Variants in CEP72 observed in about 807,000 individuals in gnomAD.
CEP72 encodes the protein centrosomal protein of 72 kDa.
In CEP72, 78 loss-of-function variants were observed where a neutral mutation model predicts 65.7. The ratio of observed to expected loss-of-function variants is 1.19; its 90% CI spans 0.99 to 1.43. CEP72 has a LOEUF of 1.43. CEP72 is among the 40% of genes most tolerant of loss of function. The pLI, the probability that CEP72 is intolerant of heterozygous loss-of-function variation, is 0.00. For missense variants in CEP72, 914 were observed against 832.9 expected (o/e 1.10, Z -1.20); for synonymous variants, 358 against 351.7 (o/e 1.02, Z -0.20).
At chr5:668,289 C>T (rs1247193282), downstream of CEP72, among the ~76,000 whole-genome samples, 2 of 75,732 alleles carry the variant, frequency 2.6e-5, no homozygotes, top group African/African-American at 7.3e-5. Context: ...GCGTGGGCGC[C>T]GTCAGGGAAG....
chr5:642,381 G>T (rs930140460), intron 9 of CEP72: 34 of 984,474 alleles, frequency 3.5e-5, no homozygotes, highest in Non-Finnish European at 3.9e-5. Context: ...ATTTAAACAC[G>T]TGTGGCCCCC....
intron 3 of CEP72, among the ~76,000 whole-genome samples, chr5:620,890 C>T (rs949688677): frequency 5.3e-5 from 8 of 152,348 alleles, no homozygotes; most frequent in East Asian, 3.9e-4. Flanking sequence ...CCTGCCTCCC[C>T]GGAGGCATTG....
At chr5:635,715 C>T in intron 6 of CEP72, 131 bp downstream of exon 6, 1 of 712,464 alleles carries the variant, frequency 1.4e-6, no homozygotes, top group Non-Finnish European at 2.4e-6. Flanking sequence ...ACGGTGCCGG[C>T]ACCTGGTGCT....
At chr5:625,612 A>T (rs1280948647) in intron 4 of CEP72, among the ~76,000 whole-genome samples, 1 of 152,164 alleles carries the variant, frequency 6.6e-6, no homozygotes, top group African/African-American at 2.4e-5. Flanking sequence ...CATCCCTGGG[A>T]TCGCCTCTTC....
downstream of CEP72, among the ~76,000 whole-genome samples, chr5:668,000 C>T (rs1201547214): frequency 6.3e-5 from 3 of 47,642 alleles, 1 homozygote; most frequent in Non-Finnish European, 1.0e-4. Context: ...GTGTGGGCGC[C>T]GTCAGGGAAG....
At position 633,837 on chromosome 5, in the gene CEP72, A is replaced by G. The variant is rs769471757; in HGVS notation, c.581A>G (p.Asp194Gly). ...AKQSLVMDAD[D>G]EAVLNLIAEC... ...CAGAGCCTGGTCATGGATGCGGATGACGAGGCAGTCCTGAACCTCATTGCA... is the reference window on the plus strand; with the variant it reads ...CAGAGCCTGGTCATGGATGCGGATGGCGAGGCAGTCCTGAACCTCATTGCA... The change falls in exon 5 of 12, where the codon GAC becomes GGC. Residue 194 changes from aspartate to glycine, a missense_variant. Asp to Gly is a moderately conservative substitution (Grantham distance 94). Coordinates refer to ENST00000264935, the MANE Select transcript of CEP72 (RefSeq NM_018140.4). 6.2e-7 allele frequency: 1 copy of G among 1,614,068 alleles called. No homozygotes were observed. The highest frequency in any genetic ancestry group is 2.2e-5 in the East Asian group (1 of 44,880).
Position 645,269 on chromosome 5 carries a change from C to T in CEP72, c.1666+844C>T, listed in dbSNP as rs978806068. 3.9e-5 allele frequency among the ~76,000 whole-genome samples: 6 copies of T among 152,138 alleles called. No individual in the cohort carries two copies. The South Asian group carries it at 8.3e-4, about 21-fold the overall frequency. ...GGCCGCTCTGTCTCCTTTGGGGCAG[C>T]GTCTCCTTGGATCTTTCGCCCGTTG... On this transcript the variant is annotated intron_variant, in intron 10 of 11. Transcript: ENST00000264935. This position sits in a 1 kb window ranked among gnomAD's most constrained non-coding sequence, Gnocchi z 4.0.
chr5:622,359 A>G lies in CEP72; in HGVS notation c.403+2098A>G, dbSNP rs140448446. Among the ~76,000 whole-genome samples the G allele has an allele frequency of 1.4e-3, 210 of 152,358 alleles. 2 individuals are homozygous for G. The highest frequency in any genetic ancestry group is 4.8e-3 in the African/African-American group (200 of 41,586). ...GGGTCCTGGTGGACTTTGCTCTTGCAGGAGCTCAGCTCCCCTGGGCACTGG... is the reference window on the plus strand; with the variant it reads ...GGGTCCTGGTGGACTTTGCTCTTGCGGGAGCTCAGCTCCCCTGGGCACTGG... On this transcript the variant is annotated intron_variant, in intron 3 of 11. Coordinates refer to ENST00000264935, the MANE Select transcript of CEP72 (RefSeq NM_018140.4).
Position 624,379 on chromosome 5 carries a change from G to A in CEP72, c.404-92G>A. On this transcript the variant is annotated intron_variant, in intron 3 of 11. Transcript: ENST00000264935. This position sits in a 1 kb window ranked among gnomAD's most constrained non-coding sequence, Gnocchi z 4.7. The stretch of plus-strand genomic sequence containing the variant: ...GTGGGAGCAGGGCTGGCCCCGAGGG[G>A]ATGGACACCCTGCCCCGTGTAGATG... 5.9e-6 allele frequency: 5 copies of A among 848,934 alleles called. No homozygotes were observed. Among genetic ancestry groups the A allele is most frequent in the South Asian group, 5.7e-5 (4 of 70,044 alleles). The allele number at this position is 848,934 out of a possible 1,614,324, so 52.6% of individuals were successfully genotyped here.
At position 648,765 on chromosome 5, in the gene CEP72, GGACTGTGAGGTGT is replaced by G. The variant is rs1259821494; in HGVS notation, c.1778+873_1778+885del. The stretch of plus-strand genomic sequence containing the variant: ...CTGTGAGGTGTGGACTGTGAGGTGT[GGACTGTGAGGTGT>G]GACTGTGAGGTGTGACTGTGAGGCG... On this transcript the variant is annotated intron_variant, in intron 11 of 11. Transcript: ENST00000264935. Among the ~76,000 whole-genome samples, 63 of 106,756 alleles carry G rather than the reference GGACTGTGAGGTGT, an allele frequency of 5.9e-4. 1 individual carries two copies. The highest frequency in any genetic ancestry group is 2.0e-3 in the African/African-American group (53 of 26,190). The allele number at this position is 106,756 out of a possible 152,430, so 70.0% of individuals were successfully genotyped here.
rs147536980 is a variant in CEP72, at chr5:624,401, G to A, written c.404-70G>A. The A allele has an allele frequency of 4.2e-4, 451 of 1,082,822 alleles. 2 individuals carry two copies. In the African/African-American group the frequency reaches 5.4e-3, roughly 13 times the overall value. 67.1% of individuals were successfully genotyped at this position (1,082,822 alleles called of 1,614,324 possible). A position where few individuals can be genotyped will look rare whatever the true frequency, so the allele number is the denominator to read the frequency against. ...GGGGATGGACACCCTGCCCCGTGTAGATGCCCCAGGGTGGATGCAGCCGCC... is the reference window on the plus strand; with the variant it reads ...GGGGATGGACACCCTGCCCCGTGTAAATGCCCCAGGGTGGATGCAGCCGCC... On this transcript the variant is annotated intron_variant, in intron 3 of 11. Coordinates refer to ENST00000264935, the MANE Select transcript of CEP72 (RefSeq NM_018140.4). The surrounding 1 kb of genome is among the most constrained non-coding windows in gnomAD (Gnocchi z 4.7).
At chr5:675,143 G>GTGGCCAGGGGTGCAATT in the CEP72 span, among the ~76,000 whole-genome samples, 1 of 143,876 alleles carries the variant, frequency 7.0e-6, no homozygotes, top group African/African-American at 2.6e-5. Context: ...GGGGTGCAGT[G>GTGGCCAGGGGTGCAATT]TGGCCAGGGG....
At chr5:654,255 CTGTG>C (rs562341078), downstream of CEP72, among the ~76,000 whole-genome samples, 6 of 143,442 alleles carry the variant, frequency 4.2e-5, no homozygotes, top group African/African-American at 1.1e-4. Context: ...TGCATGCTTG[CTGTG>C]TGTGTGTGCT....
At chr5:612,467 TGCAAGCGTGAGGTGGCGGGGGG>T in intron 1 of CEP72, 24 bp downstream of exon 1, 1 of 1,224,692 alleles carries the variant, frequency 8.2e-7, no homozygotes, top group Non-Finnish European at 1.1e-6. Flanking sequence ...CGGGCGGGGG[TGCAAGCGTGAGGTGGCGGGGGG>T]GTGGGTGCCG....
chr5:639,665 G>A (rs916486399), intron 8 of CEP72, among the ~76,000 whole-genome samples: 8 of 152,226 alleles, frequency 5.3e-5, no homozygotes, highest in African/African-American at 1.9e-4. Flanking sequence ...TCCCCAGAGA[G>A]GACTTGGGTC....
chr5:659,096 A>G (rs1739478199), downstream of CEP72, among the ~76,000 whole-genome samples: 2 of 152,186 alleles, frequency 1.3e-5, no homozygotes, highest in African/African-American at 2.4e-5. Context: ...GTCATCCCGC[A>G]TGTCCCTCTG....
At chr5:621,776 A>AT (rs1468622724) in intron 3 of CEP72, among the ~76,000 whole-genome samples, 3 of 152,190 alleles carry the variant, frequency 2.0e-5, no homozygotes, top group Non-Finnish European at 4.4e-5. Context: ...GAATTCTCAC[A>AT]TTTTATTTTA....
intron 4 of CEP72, among the ~76,000 whole-genome samples, chr5:666,587 A>G (rs1739925477): frequency 6.6e-6 from 1 of 151,370 alleles, no homozygotes; most frequent in African/African-American, 2.5e-5. Context: ...ACTTGGCAGC[A>G]TGGGCGCAGG....
intron 10 of CEP72, among the ~76,000 whole-genome samples, chr5:646,981 C>T (rs1037270241): frequency 6.6e-6 from 1 of 152,224 alleles, no homozygotes; most frequent in African/African-American, 2.4e-5. Flanking sequence ...GTTTGGCCAG[C>T]ACGGGGACTG....
Sources: gnomAD v4.1 joint callset for allele counts (sites outside exome capture counted in the v4.1 genomes callset) on GRCh38, gnomAD v4.1.1 for gene constraint, Gnocchi (gnomAD v3.1) non-coding constraint, MANE v1.5 for transcripts, NCBI Gene and HGNC (gene_info 2026-07-23, HGNC 2026-07-21) for gene names.